Variants in LHX4 observed in about 807,000 individuals in gnomAD.
LHX4 encodes LIM/homeobox protein Lhx4.
LHX4 carries 16 observed loss-of-function variants against 39.2 expected under a neutral mutation model. The observed-to-expected ratio is 0.41, with a 90% confidence interval of 0.28 to 0.62. The LOEUF is 0.62. LHX4 is among the 20% of genes least tolerant of loss of function. The pLI is 0.33. For missense variants in LHX4, 439 were observed against 511.9 expected, an observed-to-expected ratio of 0.86 and a Z score of 1.37; for synonymous variants, 206 against 198.1, an observed-to-expected ratio of 1.04 and a Z score of -0.33.
chr1:180,245,785 A>G (rs1341674177), intron 1 of LHX4, among the ~76,000 whole-genome samples: 1 of 139,380 alleles, frequency 7.2e-6, no homozygotes, highest in African/African-American at 2.6e-5. Context: ...AGGCAGAGAG[A>G]GGCTAAGTCA....
At chr1:180,264,750 A>G (rs1648248253) in intron 2 of LHX4, among the ~76,000 whole-genome samples, 1 of 152,228 alleles carries the variant, frequency 6.6e-6, no homozygotes, top group Non-Finnish European at 1.5e-5. Context: ...ACCCTCACGC[A>G]GAGAACTCCT....
intron 4 of LHX4, 66 bp downstream of exon 4, chr1:180,271,600 T>G: frequency 6.3e-7 from 1 of 1,586,940 alleles, no homozygotes; most frequent in Non-Finnish European, 8.6e-7. Context: ...GAAGGTATCC[T>G]GAGTGACATC....
chr1:180,261,908 C>A (rs1052068759), intron 2 of LHX4, among the ~76,000 whole-genome samples: 2 of 152,174 alleles, frequency 1.3e-5, no homozygotes, highest in African/African-American at 4.8e-5. Flanking sequence ...AAAACAATCC[C>A]AGGAATTAAC....
chr1:180,272,092 T>C (rs1648707245), intron 5 of LHX4, 86 bp downstream of exon 5: 1 of 1,292,268 alleles, frequency 7.7e-7, no homozygotes, highest in Non-Finnish European at 1.1e-6. Context: ...GGGATCTTTC[T>C]TGAGGCCTTG....
intron 2 of LHX4, among the ~76,000 whole-genome samples, chr1:180,253,676 T>A (rs1647723466): frequency 6.6e-6 from 1 of 152,194 alleles, no homozygotes; most frequent in African/African-American, 2.4e-5. Context: ...CCCACCGAGC[T>A]AGGAAGAAGA....
chr1:180,248,689 G>T, intron 2 of LHX4: 1 of 579,482 alleles, frequency 1.7e-6, no homozygotes. Context: ...CATGGGGCAG[G>T]GGTGAGGAGC....
At chr1:180,267,664 G>A (rs1173274988) in intron 3 of LHX4, among the ~76,000 whole-genome samples, 2 of 152,166 alleles carry the variant, frequency 1.3e-5, no homozygotes, top group Non-Finnish European at 2.9e-5. Context: ...GATCAACTCA[G>A]GGTGTTACTG....
upstream of LHX4, among the ~76,000 whole-genome samples, chr1:180,229,069 T>C (rs907226380): frequency 1.3e-5 from 2 of 152,234 alleles, no homozygotes; most frequent in Non-Finnish European, 2.9e-5. Flanking sequence ...GCGTTGGGCC[T>C]TCTGTTGTAT....
intron 2 of LHX4, among the ~76,000 whole-genome samples, chr1:180,254,058 G>A (rs1416949402): frequency 6.6e-6 from 1 of 152,232 alleles, no homozygotes. Context: ...ACGTTTGTAA[G>A]GTCAAGGGCA....
rs111390272 is a variant in LHX4, at chr1:180,261,019, C to T, written c.249-5373C>T. Reference sequence around the variant, plus strand: ...AGACAGTCTGGAGGCAGTGTGATGGCGACAGCAAGTGGGATGTAAAGTCTT... The same window carrying T: ...AGACAGTCTGGAGGCAGTGTGATGGTGACAGCAAGTGGGATGTAAAGTCTT... On this transcript the variant is annotated intron_variant, in intron 2 of 5. Transcript: ENST00000263726. 5.0e-3 allele frequency among the ~76,000 whole-genome samples: 758 copies of T among 151,932 alleles called. 33 individuals carry two copies. Among genetic ancestry groups the T allele is most frequent in the African/African-American group, 0.017 (699 of 41,208 alleles).
At chr1:180,235,911 G>T (rs974050194) in intron 1 of LHX4, among the ~76,000 whole-genome samples, 4 of 152,162 alleles carry the variant, frequency 2.6e-5, no homozygotes, top group East Asian at 1.9e-4. Context: ...TGGGGCAAAC[G>T]TGTCTTTTAA....
intron 2 of LHX4, among the ~76,000 whole-genome samples, chr1:180,254,888 A>G (rs112865767): frequency 6.6e-6 from 1 of 152,322 alleles, no homozygotes; most frequent in African/African-American, 2.4e-5. Flanking sequence ...TGTGCCCCAC[A>G]TAGGGAGGAG....
chr1:180,232,534 C>T lies in LHX4; in HGVS notation c.76+1929C>T, dbSNP rs1389709385. ...AAAGGAACTTCCACACCCACCCCCCCAGGGTGGCCCAGGGAGGCAATGTCT... is the reference window on the plus strand; with the variant it reads ...AAAGGAACTTCCACACCCACCCCCCTAGGGTGGCCCAGGGAGGCAATGTCT... On this transcript the variant is annotated intron_variant, in intron 1 of 5. Transcript: ENST00000263726. This position sits in a 1 kb window ranked among gnomAD's most constrained non-coding sequence, Gnocchi z 5.4. Among the ~76,000 whole-genome samples, 1 of 152,184 alleles carries T rather than the reference C, an allele frequency of 6.6e-6. No homozygotes were observed. The highest frequency in any genetic ancestry group is 1.5e-5 in the Non-Finnish European group (1 of 68,024).
intron 5 of LHX4, chr1:180,272,577 T>C (rs1271072078): frequency 6.6e-6 from 1 of 152,650 alleles, no homozygotes; most frequent in Non-Finnish European, 1.5e-5. Flanking sequence ...GCATGCACTA[T>C]ATTCAAATTC....
At chr1:180,263,264 G>A (rs1194175828) in intron 2 of LHX4, among the ~76,000 whole-genome samples, 2 of 152,362 alleles carry the variant, frequency 1.3e-5, no homozygotes, top group East Asian at 1.9e-4. Flanking sequence ...AGGCATGACC[G>A]TGTGTCTCAT....
At position 180,242,282 on chromosome 1, in the gene LHX4, T is replaced by G. The variant is rs564548448; in HGVS notation, c.77-6003T>G. On this transcript the variant is annotated intron_variant, in intron 1 of 5. Transcript: ENST00000263726. ...ATGTGTTTGTGTGTGTGTGTGTACA[T>G]GTGAGTATGTGTCTTTGAGTATATG... Among the ~76,000 whole-genome samples the G allele has an allele frequency of 2.6e-5, 4 of 151,932 alleles. No individual in the cohort carries two copies. In the South Asian group the frequency reaches 6.3e-4, roughly 24 times the overall value.
chr1:180,242,674 G>T (rs747601340), intron 1 of LHX4, among the ~76,000 whole-genome samples: 10 of 152,064 alleles, frequency 6.6e-5, no homozygotes, highest in African/African-American at 9.7e-5. Context: ...TGTTCTATGT[G>T]GTTTAGCATT....
At chr1:180,252,430 G>C (rs1647670458) in intron 2 of LHX4, among the ~76,000 whole-genome samples, 1 of 152,224 alleles carries the variant, frequency 6.6e-6, no homozygotes. Context: ...GCTGGTCAGA[G>C]CTAGGGAGAG....
In LHX4 at chr1:180,266,663, G is replaced by A; in HGVS notation, c.451+69G>A. On this transcript the variant is annotated intron_variant, in intron 3 of 5. Coordinates refer to ENST00000263726, the MANE Select transcript of LHX4 (RefSeq NM_033343.4). The surrounding 1 kb of genome is among the most constrained non-coding windows in gnomAD (Gnocchi z 5.7). ...TTGGGCCACGCCCTCTGCCTGAGGT[G>A]CCCTTCTCATGGCGTCCCACCTGCC... The A allele has an allele frequency of 6.7e-7, 1 of 1,491,772 alleles. No individual in the cohort carries two copies. Among genetic ancestry groups the A allele is most frequent in the Non-Finnish European group, 9.2e-7 (1 of 1,087,056 alleles). The allele number at this position is 1,491,772 out of a possible 1,614,324, so 92.4% of individuals were successfully genotyped here.
Sources: gnomAD v4.1 joint callset for allele counts (sites outside exome capture counted in the v4.1 genomes callset) on GRCh38, gnomAD v4.1.1 for gene constraint, Gnocchi (gnomAD v3.1) non-coding constraint, MANE v1.5 for transcripts, NCBI Gene and HGNC (gene_info 2026-07-23, HGNC 2026-07-21) for gene names.